LOXHD1: variants seen among roughly 807,000 people sequenced by gnomAD.
LOXHD1 encodes lipoxygenase homology PLAT domains 1.
LOXHD1 carries 205 observed loss-of-function variants against 248.2 expected under a neutral mutation model. That is an observed-to-expected ratio of 0.83 (90% CI 0.74 to 0.93). LOXHD1 has a LOEUF of 0.93. Among genes scored for constraint, LOXHD1 ranks in the 40% least tolerant of loss-of-function variants. The pLI is 0.00. For missense variants in LOXHD1, 2,930 were observed against 2,971.6 expected (o/e 0.99, Z 0.33); for synonymous variants, 1,113 against 1,162.8 (o/e 0.96, Z 0.87).
At chr18:46,479,670 T>A (rs1334738674) in intron 40 of LOXHD1, among the ~76,000 whole-genome samples, 1 of 152,032 alleles carries the variant, frequency 6.6e-6, no homozygotes, top group Non-Finnish European at 1.5e-5. Context: ...ACAAGCTGTC[T>A]TGGTGCTGGC....
At chr18:46,559,969 C>T (rs1281635265) in intron 19 of LOXHD1, 114 bp downstream of exon 19, 3 of 1,122,174 alleles carry the variant, frequency 2.7e-6, no homozygotes, top group East Asian at 2.6e-5. Flanking sequence ...GATGGGTGCC[C>T]ACCTATTTGG....
At chr18:46,496,105 C>T (rs2033849535) in intron 37 of LOXHD1, among the ~76,000 whole-genome samples, 2 of 152,122 alleles carry the variant, frequency 1.3e-5, no homozygotes, top group Non-Finnish European at 2.9e-5. Context: ...TTATATCCCC[C>T]AGCAACCAAA....
rs2037884468 is a variant in LOXHD1 at position 46,577,703 on chromosome 18, G to A, written c.1970+4C>T. The A allele has an allele frequency of 6.5e-7, 1 of 1,549,836 alleles. No individual in the cohort carries two copies. The highest frequency in any genetic ancestry group is 1.2e-5 in the South Asian group (1 of 84,022). ...GAAAACACCAGCAGGCAGGACGCATGTACCTGAGACATGGGAACTCCACGT... is the reference window on the plus strand; with the variant it reads ...GAAAACACCAGCAGGCAGGACGCATATACCTGAGACATGGGAACTCCACGT... On this transcript the variant is annotated splice_donor_region_variant and intron_variant, in intron 14 of 40. Coordinates refer to ENST00000642948, the MANE Select transcript of LOXHD1 (RefSeq NM_001384474.1).
At chr18:46,506,692 A>G (rs1416611894) in intron 36 of LOXHD1, among the ~76,000 whole-genome samples, 3 of 152,238 alleles carry the variant, frequency 2.0e-5, no homozygotes, top group African/African-American at 7.2e-5. Flanking sequence ...TACCCCCAAC[A>G]AAATTTACTA....
At chr18:46,630,040 C>T (rs900068634) in intron 4 of LOXHD1, among the ~76,000 whole-genome samples, 1 of 152,164 alleles carries the variant, frequency 6.6e-6, no homozygotes, top group Non-Finnish European at 1.5e-5. Flanking sequence ...AGATTACATG[C>T]CCCCTAGATG....
chr18:46,496,939 G>A (rs956548531), intron 37 of LOXHD1, among the ~76,000 whole-genome samples: 12 of 152,166 alleles, frequency 7.9e-5, no homozygotes, highest in African/African-American at 2.4e-4. Context: ...GGAGGCAGAG[G>A]TTGCAGTGAG....
intron 35 of LOXHD1, 75 bp downstream of exon 35, chr18:46,509,623 C>T (rs780919989): frequency 8.5e-5 from 91 of 1,075,782 alleles, no homozygotes; most frequent in Non-Finnish European, 1.2e-4. Flanking sequence ...TAACAAGGTC[C>T]ATTGACAAGC....
At chr18:46,489,683 C>T (rs1367377777) in intron 37 of LOXHD1, among the ~76,000 whole-genome samples, 1 of 152,214 alleles carries the variant, frequency 6.6e-6, no homozygotes, top group Non-Finnish European at 1.5e-5. Context: ...GTTCTCCATG[C>T]TCCTATAGCC....
chr18:46,574,994 A>T (rs943641883), intron 14 of LOXHD1, among the ~76,000 whole-genome samples: 1 of 151,950 alleles, frequency 6.6e-6, no homozygotes, highest in East Asian at 1.9e-4. Context: ...TTCTTTATCC[A>T]CACTCTCCCT....
At chr18:46,632,105 T>C (rs1476651799) in intron 4 of LOXHD1, among the ~76,000 whole-genome samples, 2 of 152,194 alleles carry the variant, frequency 1.3e-5, no homozygotes, top group Non-Finnish European at 2.9e-5. Context: ...CTTTGTCCCC[T>C]GTGCAACGTG....
chr18:46,540,042 A>G (rs1034487427), intron 25 of LOXHD1, among the ~76,000 whole-genome samples: 1 of 152,250 alleles, frequency 6.6e-6, no homozygotes, highest in Non-Finnish European at 1.5e-5. Context: ...GACTTCCTAC[A>G]TGTCAGACTC....
intron 33 of LOXHD1, among the ~76,000 whole-genome samples, chr18:46,518,675 C>T (rs1158039429): frequency 6.6e-6 from 1 of 152,262 alleles, no homozygotes; most frequent in Non-Finnish European, 1.5e-5. Flanking sequence ...ACCTCACCAG[C>T]CTCTGCTCCC....
At chr18:46,493,396 T>C (rs2033623906) in intron 37 of LOXHD1, among the ~76,000 whole-genome samples, 1 of 152,264 alleles carries the variant, frequency 6.6e-6, no homozygotes, top group Admixed American at 6.5e-5. Context: ...TTTTCTCATA[T>C]ATTGTATAGT....
rs1396547586 is a variant in LOXHD1 at position 46,489,027 on chromosome 18, C to T, written c.5994G>A (p.Thr1998=). 24 of 1,551,556 alleles carry T rather than the reference C, an allele frequency of 1.5e-5. No homozygotes were observed. Among genetic ancestry groups the T allele is most frequent in the East Asian group, 7.3e-5 (3 of 40,928 alleles). ...WLSKSEGDGQ[T]VRDFACANNK... is the part of the protein sequence containing the mutation. ...TGTTGGCACAGGCAAAGTCGCGGAC[C>T]GTCTGCCCGTCACCCTCACTCTTGG... Residue 1998 remains threonine, a synonymous_variant, in exon 38 of 41, where the codon ACG becomes ACA. Coordinates refer to ENST00000642948, the MANE Select transcript of LOXHD1 (RefSeq NM_001384474.1).
intron 40 of LOXHD1, among the ~76,000 whole-genome samples, chr18:46,480,726 A>G (rs2032490256): frequency 6.6e-6 from 1 of 152,204 alleles, no homozygotes; most frequent in Non-Finnish European, 1.5e-5. Context: ...AACTATGTAT[A>G]AGCACACATC....
intron 28 of LOXHD1, among the ~76,000 whole-genome samples, chr18:46,530,171 G>T (rs1358734700): frequency 6.6e-6 from 1 of 152,146 alleles, no homozygotes; most frequent in African/African-American, 2.4e-5. Context: ...CCAAGGAAGA[G>T]GGAACTTGGC....
chr18:46,557,343 C>T lies in LOXHD1; in HGVS notation c.3350+13G>A. ...GAGCAACACCCCTCCCTGCCCACTGCCCCCACACTCACGTGATCTCGTTGT... is the reference window on the plus strand; with the variant it reads ...GAGCAACACCCCTCCCTGCCCACTGTCCCCACACTCACGTGATCTCGTTGT... On this transcript the variant is annotated intron_variant, in intron 21 of 40. Transcript: ENST00000642948. The T allele has an allele frequency of 6.4e-7, 1 of 1,552,286 alleles. No individual in the cohort carries two copies. Among genetic ancestry groups the T allele is most frequent in the South Asian group, 1.2e-5 (1 of 84,050 alleles).
At chr18:46,523,654 T>C (rs1883486710) in intron 31 of LOXHD1, among the ~76,000 whole-genome samples, 1 of 152,206 alleles carries the variant, frequency 6.6e-6, no homozygotes. Context: ...ATACAATCTG[T>C]ATTTCTTTGA....
rs1364064979 is a variant in LOXHD1 at position 46,518,233 on chromosome 18, C to T, written c.5295G>A (p.Trp1765Ter). Residue 1765 changes from tryptophan to a stop codon, truncating the protein, a stop_gained, in exon 34 of 41, where the codon TGG becomes TGA. Coordinates refer to ENST00000642948, the MANE Select transcript of LOXHD1 (RefSeq NM_001384474.1). LOFTEE classifies it high-confidence loss of function. ...GVKVLYEMTV[W>*]TGDVVGGGTD... is the part of the protein sequence containing the mutation. ...TGCCCCCGCCAACCACATCCCCTGT[C>T]CACACCGTCATTTCATAGAGAACCT... 1 of 1,551,554 alleles carries T rather than the reference C, an allele frequency of 6.4e-7. No homozygotes were observed. Among genetic ancestry groups the T allele is most frequent in the Non-Finnish European group, 8.7e-7 (1 of 1,146,958 alleles).
Sources: allele counts gnomAD v4.1 joint callset (sites outside exome capture counted in the v4.1 genomes callset), GRCh38; gene constraint gnomAD v4.1.1; transcripts MANE v1.5; gene names NCBI Gene and HGNC (gene_info 2026-07-23, HGNC 2026-07-21).